Variants in GABRB2 observed in about 807,000 individuals in gnomAD.
GABRB2 encodes the protein gamma-aminobutyric acid type A receptor subunit beta2, also known as gamma-aminobutyric acid receptor subunit beta-2.
Under a neutral mutation model 54.7 loss-of-function variants are expected in GABRB2, and 16 were observed. That is an observed-to-expected ratio of 0.29 (90% CI 0.20 to 0.44). The LOEUF (loss-of-function observed/expected upper bound fraction) is 0.44. Ranked by LOEUF, GABRB2 falls within the 20% of genes least tolerant of loss-of-function variation. The probability of loss-of-function intolerance (pLI) is 1.00; values close to 1 mark genes in which losing one functional copy is unlikely to be tolerated. For missense variants in GABRB2, 355 were observed against 644.0 expected, an observed-to-expected ratio of 0.55 and a Z score of 4.86; for synonymous variants, 244 against 233.8, an observed-to-expected ratio of 1.04 and a Z score of -0.40.
intron 8 of GABRB2, 72 bp downstream of exon 8, chr5:161,330,811 G>C: frequency 6.3e-7 from 1 of 1,590,330 alleles, no homozygotes; most frequent in South Asian, 1.1e-5. Context: ...TGCTCAACAA[G>C]GTCATCAACC....
chr5:161,483,009 C>T (rs188142954), intron 3 of GABRB2, among the ~76,000 whole-genome samples: 1 of 152,144 alleles, frequency 6.6e-6, no homozygotes, highest in Non-Finnish European at 1.5e-5. Flanking sequence ...GAGAATATTA[C>T]ATGCATTCTG....
intron 4 of GABRB2, among the ~76,000 whole-genome samples, chr5:161,450,884 C>T (rs1440624359): frequency 6.6e-6 from 1 of 152,008 alleles, no homozygotes; most frequent in Non-Finnish European, 1.5e-5. Flanking sequence ...CAGGTGGAGA[C>T]AGGTGCTTTG....
chr5:161,394,080 C>T (rs1260568395), intron 5 of GABRB2, among the ~76,000 whole-genome samples: 1 of 151,814 alleles, frequency 6.6e-6, no homozygotes. Context: ...AGGAAAACGC[C>T]TACTAACTGG....
intron 3 of GABRB2, among the ~76,000 whole-genome samples, chr5:161,510,610 G>T (rs1561677034): frequency 6.6e-6 from 1 of 151,812 alleles, no homozygotes; most frequent in Non-Finnish European, 1.5e-5. Flanking sequence ...TTTCACTATG[G>T]CCTTGAGGAT....
chr5:161,365,486 T>A (rs972101146), intron 5 of GABRB2, among the ~76,000 whole-genome samples: 16 of 152,208 alleles, frequency 1.1e-4, no homozygotes, highest in African/African-American at 3.4e-4. Context: ...ATGGGGTACA[T>A]AGTGATGTTT....
At chr5:161,458,827 A>G (rs754133045) in intron 4 of GABRB2, among the ~76,000 whole-genome samples, 2 of 152,230 alleles carry the variant, frequency 1.3e-5, no homozygotes, top group Non-Finnish European at 2.9e-5. Flanking sequence ...TATTGTTATT[A>G]TTATCACCAT....
At chr5:161,340,540 G>T (rs976560506) in intron 5 of GABRB2, among the ~76,000 whole-genome samples, 1 of 151,760 alleles carries the variant, frequency 6.6e-6, no homozygotes, top group African/African-American at 2.4e-5. Flanking sequence ...ATAATTCAAG[G>T]TTCTTCACTA....
intron 3 of GABRB2, among the ~76,000 whole-genome samples, chr5:161,526,337 G>C (rs1354672989): frequency 6.6e-6 from 1 of 151,474 alleles, no homozygotes; most frequent in Middle Eastern, 3.4e-3. Context: ...GCCTCTGAAT[G>C]TAAGTCATGT....
intron 5 of GABRB2, among the ~76,000 whole-genome samples, chr5:161,361,503 T>C (rs1386184338): frequency 2.6e-5 from 4 of 152,128 alleles, no homozygotes; most frequent in South Asian, 2.1e-4. Context: ...TGAAGCTGGA[T>C]TGTGAGTTCA....
intron 3 of GABRB2, among the ~76,000 whole-genome samples, chr5:161,491,822 C>A (rs1319148819): frequency 1.3e-5 from 2 of 151,688 alleles, no homozygotes; most frequent in Non-Finnish European, 3.0e-5. Context: ...TGCATTCTGT[C>A]TACAAAGGAG....
intron 5 of GABRB2, among the ~76,000 whole-genome samples, chr5:161,401,315 C>A (rs1436685594): frequency 1.3e-5 from 2 of 152,100 alleles, no homozygotes; most frequent in East Asian, 3.9e-4. Flanking sequence ...TAATAATTTG[C>A]AAATACAAAA....
intron 4 of GABRB2, among the ~76,000 whole-genome samples, chr5:161,416,925 G>A (rs996816611): frequency 4.6e-5 from 7 of 151,674 alleles, no homozygotes; most frequent in Non-Finnish European, 1.0e-4. Context: ...AAAATATATT[G>A]ATATATATTT....
chr5:161,366,757 C>A (rs1473719206), intron 5 of GABRB2, among the ~76,000 whole-genome samples: 2 of 152,198 alleles, frequency 1.3e-5, no homozygotes, highest in East Asian at 3.9e-4. Context: ...ACCAGCCTGG[C>A]CAACATGGCA....
chr5:161,366,733 G>A (rs983728203), intron 5 of GABRB2, among the ~76,000 whole-genome samples: 4 of 152,100 alleles, frequency 2.6e-5, no homozygotes, highest in African/African-American at 9.7e-5. Context: ...ATCACCTGAG[G>A]TCAGGAGTTT....
chr5:161,336,613 A>G lies in GABRB2; in HGVS notation c.679+19T>C. On this transcript the variant is annotated intron_variant, in intron 6 of 9. Coordinates refer to ENST00000393959, the MANE Select transcript of GABRB2 (RefSeq NM_001371727.1). ...ACGGTGAAGATTATTTTCCCTTAAC[A>G]CTTTTCCATGATACAAACCTGTGGA... The G allele has an allele frequency of 6.2e-7, 1 of 1,610,504 alleles. No individual in the cohort carries two copies. The highest frequency in any genetic ancestry group is 1.1e-5 in the South Asian group (1 of 90,910).
At chr5:161,437,440 C>A (rs745778945) in intron 4 of GABRB2, among the ~76,000 whole-genome samples, 4 of 152,096 alleles carry the variant, frequency 2.6e-5, no homozygotes, top group Non-Finnish European at 4.4e-5. Context: ...CCAGTCCTGG[C>A]AGCATTCATC....
At position 161,459,516 on chromosome 5, in the gene GABRB2, TA is replaced by T. The variant is rs1758057873; in HGVS notation, c.458+107del. The T allele has an allele frequency of 2.5e-5, 23 of 929,488 alleles. No homozygotes were observed. In the South Asian group the frequency reaches 3.4e-4, roughly 14 times the overall value. 57.6% of individuals were successfully genotyped at this position (929,488 alleles called of 1,614,324 possible). A position where few individuals can be genotyped will look rare whatever the true frequency, so the allele number is the denominator to read the frequency against. ...GTGGATAGGAGGCTTAACTGTTTCT[TA>T]GTAGAATTGAAGAAAGATAAGGAAA... On this transcript the variant is annotated intron_variant, in intron 4 of 9. Coordinates refer to ENST00000393959, the MANE Select transcript of GABRB2 (RefSeq NM_001371727.1).
At chr5:161,318,013 A>T (rs1173670804) in intron 9 of GABRB2, among the ~76,000 whole-genome samples, 1 of 152,074 alleles carries the variant, frequency 6.6e-6, no homozygotes. Flanking sequence ...CGTTATATAT[A>T]TGAAAAACTT....
At chr5:161,326,613 G>A in intron 8 of GABRB2, 132 bp from the exon 9 acceptor site, 1 of 1,120,786 alleles carries the variant, frequency 8.9e-7, no homozygotes, top group Non-Finnish European at 1.2e-6. Flanking sequence ...GGCTAACAGA[G>A]AATGGGAATT....
Sources: allele counts gnomAD v4.1 joint callset (sites outside exome capture counted in the v4.1 genomes callset), GRCh38; gene constraint gnomAD v4.1.1; transcripts MANE v1.5; gene names NCBI Gene and HGNC (gene_info 2026-07-23, HGNC 2026-07-21).